Variants in FBN2 observed in about 807,000 individuals in gnomAD.
FBN2 encodes the protein fibrillin-2.
FBN2 carries 105 observed loss-of-function variants against 355.6 expected under a neutral mutation model. That is an observed-to-expected ratio of 0.30 (90% CI 0.25 to 0.35). FBN2 has a LOEUF of 0.35. Ranked by LOEUF, FBN2 falls within the 10% of genes least tolerant of loss-of-function variation. The pLI is 1.00. For synonymous variants in FBN2, 1,350 were observed against 1,301.2 expected (o/e 1.04, Z -0.81); for missense variants, 3,280 against 3,758.7 (o/e 0.87, Z 3.33).
Position 128,288,448 on chromosome 5 carries a change from C to T in FBN2, c.6747G>A (p.Met2249Ile). 6.2e-7 allele frequency: 1 copy of T among 1,614,076 alleles called. No individual in the cohort carries two copies. Among genetic ancestry groups the T allele is most frequent in the Non-Finnish European group, 8.5e-7 (1 of 1,179,984 alleles). Residue 2249 changes from methionine (M) to isoleucine (I), a missense_variant, in exon 53 of 65, where the codon ATG becomes ATA. By Grantham distance (10) the Met-to-Ile change is conservative (BLOSUM62 1). This residue lies in a region of FBN2 where 2,284 missense variants were observed against 2,749.5 expected (regional missense o/e 0.83). Transcript: ENST00000262464. Reference protein sequence around the residue: ...CNEGFEPGPMMNCEDINECAQ... With the variant: ...CNEGFEPGPMINCEDINECAQ... The stretch of plus-strand genomic sequence containing the variant: ...ACAAAGATCACTTGCCTTCACAATT[C>T]ATCATGGGCCCTGGCTCAAAGCCTT...
chr5:128,447,404 G>GTC (rs575330271), intron 6 of FBN2, among the ~76,000 whole-genome samples: 2 of 152,144 alleles, frequency 1.3e-5, no homozygotes, highest in African/African-American at 2.4e-5. Flanking sequence ...CTCTGGGACT[G>GTC]TCTCTCTTTT....
chr5:128,478,744 A>G (rs537491305), intron 5 of FBN2, among the ~76,000 whole-genome samples: 1 of 152,342 alleles, frequency 6.6e-6, no homozygotes, highest in East Asian at 1.9e-4. Flanking sequence ...TAGGAGAACT[A>G]TGCCAAAACA....
intron 7 of FBN2, among the ~76,000 whole-genome samples, chr5:128,424,498 G>A (rs1328301544): frequency 6.6e-6 from 1 of 152,142 alleles, no homozygotes; most frequent in Non-Finnish European, 1.5e-5. Flanking sequence ...GAGGATGAAA[G>A]CCTGTGGTCT....
At chr5:128,357,197 T>G in intron 20 of FBN2, 79 bp downstream of exon 20, 1 of 1,571,140 alleles carries the variant, frequency 6.4e-7, no homozygotes. Flanking sequence ...CATATTCTGT[T>G]TTTATCCGTA....
intron 62 of FBN2, among the ~76,000 whole-genome samples, chr5:128,265,172 T>A (rs2126797296): frequency 6.6e-6 from 1 of 152,316 alleles, no homozygotes. Context: ...CTTGGAATTC[T>A]GCCATAAAGC....
intron 5 of FBN2, among the ~76,000 whole-genome samples, chr5:128,467,809 T>G (rs943700197): frequency 6.6e-6 from 1 of 152,178 alleles, no homozygotes; most frequent in Non-Finnish European, 1.5e-5. Flanking sequence ...AACACAAATA[T>G]TGCTAGTTTG....
rs751528871 is a variant in FBN2 at position 128,369,317 on chromosome 5, T to A, written c.2113A>T (p.Thr705Ser). Reference sequence around the variant, plus strand: ...CCTTTCTTGATTCCTCCATAGCAGGTACTGCGCATGTGAGTATCTAAAGGA... The same window carrying A: ...CCTTTCTTGATTCCTCCATAGCAGGAACTGCGCATGTGAGTATCTAAAGGA... ...RVCVDTHMRS[T>S]CYGGIKKGVC... The change falls in exon 16 of 65, where the codon ACC (threonine) becomes TCC (serine). Residue 705 changes from threonine (T) to serine (S), a missense_variant. Coordinates refer to ENST00000262464, the MANE Select transcript of FBN2 (RefSeq NM_001999.4). 1.2e-6 allele frequency: 2 copies of A among 1,614,132 alleles called. No individual in the cohort carries two copies. The highest frequency in any genetic ancestry group is 1.7e-6 in the Non-Finnish European group (2 of 1,180,000).
At chr5:128,455,857 C>T (rs374927999) in intron 6 of FBN2, among the ~76,000 whole-genome samples, 2 of 152,026 alleles carry the variant, frequency 1.3e-5, no homozygotes, top group East Asian at 1.9e-4. Flanking sequence ...AACCCTGGAA[C>T]GTACAGATTA....
chr5:128,320,570 GT>G (rs1228937933), intron 34 of FBN2, among the ~76,000 whole-genome samples: 1 of 152,122 alleles, frequency 6.6e-6, no homozygotes, highest in Non-Finnish European at 1.5e-5. Flanking sequence ...TAATGTAATT[GT>G]TGTATAAAAG....
chr5:128,418,005 C>T (rs1029579303), intron 7 of FBN2, among the ~76,000 whole-genome samples: 1 of 152,154 alleles, frequency 6.6e-6, no homozygotes, highest in South Asian at 2.1e-4. Flanking sequence ...AGTCTTATTG[C>T]TTATATTGGC....
intron 6 of FBN2, among the ~76,000 whole-genome samples, chr5:128,456,487 G>A (rs930359446): frequency 6.6e-6 from 1 of 152,064 alleles, no homozygotes; most frequent in African/African-American, 2.4e-5. Flanking sequence ...CACCCAACTG[G>A]GTGAGACCCT....
chr5:128,395,009 C>T, intron 9 of FBN2, 113 bp downstream of exon 9: 2 of 1,242,646 alleles, frequency 1.6e-6, no homozygotes, highest in Non-Finnish European at 2.3e-6. Context: ...TGGTTTTGAA[C>T]TTCTGGACTC....
chr5:128,433,967 T>G (rs1753699307), intron 7 of FBN2, among the ~76,000 whole-genome samples: 1 of 152,122 alleles, frequency 6.6e-6, no homozygotes, highest in Non-Finnish European at 1.5e-5. Flanking sequence ...AATTTGTTTA[T>G]TTATATTGAT....
chr5:128,423,120 G>C (rs1447499150), intron 7 of FBN2, among the ~76,000 whole-genome samples: 2 of 149,440 alleles, frequency 1.3e-5, no homozygotes, highest in Non-Finnish European at 3.0e-5. Flanking sequence ...ATGCAGAAGA[G>C]AAAGGGGCCA....
intron 20 of FBN2, among the ~76,000 whole-genome samples, chr5:128,351,534 T>G (rs978287021): frequency 2.7e-5 from 4 of 150,454 alleles, no homozygotes; most frequent in African/African-American, 9.8e-5. Flanking sequence ...GCAACAAGAG[T>G]GAAACTTCGT....
intron 61 of FBN2, among the ~76,000 whole-genome samples, chr5:128,272,379 A>G (rs920470835): frequency 6.6e-6 from 1 of 151,360 alleles, no homozygotes; most frequent in African/African-American, 2.4e-5. Flanking sequence ...TAACATCTCA[A>G]TTTCAGCAAG....
chr5:128,307,068 C>G, intron 42 of FBN2, 67 bp downstream of exon 42: 1 of 1,016,280 alleles, frequency 9.8e-7, no homozygotes, highest in Middle Eastern at 2.4e-4. Flanking sequence ...ATTTTAAAAA[C>G]ATAGAATAGA....
chr5:128,442,427 T>C (rs1242843840), intron 7 of FBN2: 3 of 453,174 alleles, frequency 6.6e-6, no homozygotes, highest in Admixed American at 4.8e-5. Context: ...TGAGCTGTCT[T>C]TTAGTGTACC....
At chr5:128,288,669 T>A (rs1051414026) in intron 52 of FBN2, 112 bp from the exon 53 acceptor site, 1 of 1,242,692 alleles carries the variant, frequency 8.0e-7, no homozygotes, top group Non-Finnish European at 1.2e-6. Flanking sequence ...GAAGGGCACA[T>A]GTAACCCTGG....
Sources: allele counts gnomAD v4.1 joint callset (sites outside exome capture counted in the v4.1 genomes callset), GRCh38; gene constraint gnomAD v4.1.1; regional missense constraint gnomAD v4.1.1; transcripts MANE v1.5; gene names NCBI Gene and HGNC (gene_info 2026-07-23, HGNC 2026-07-21).